The following ODAPH variants were observed in gnomAD, a reference collection of about 807,000 sequenced individuals.
ODAPH encodes odontogenesis associated phosphoprotein.
A neutral mutation model predicts 2.8 loss-of-function variants in ODAPH; 2 were observed. The observed-to-expected ratio is 0.72, with a 90% CI of 0.30 to 2.28. The LOEUF (loss-of-function observed/expected upper bound fraction) is 2.28, where lower values mean the gene tolerates loss of function less well. Among genes scored for constraint, ODAPH ranks in the 30% most tolerant of loss-of-function variants. The probability of loss-of-function intolerance (pLI) is 0.13; values close to 1 mark genes in which losing one functional copy is unlikely to be tolerated. For synonymous variants in ODAPH, 75 were observed against 60.3 expected (o/e 1.24, Z -1.13); for missense variants, 159 against 163.3 (o/e 0.97, Z 0.14).
downstream of ODAPH, chr4:75,565,751 A>C (rs1408787227): frequency 6.6e-5 from 10 of 152,244 alleles, no homozygotes; most frequent in Admixed American, 1.3e-4. Context: ...TGCTGCTGCT[A>C]CAAAAACAGA....
chr4:75,556,598 C>A (rs1164333430), intron 1 of ODAPH: 49 of 1,529,398 alleles, frequency 3.2e-5, no homozygotes, highest in Non-Finnish European at 4.1e-5. Flanking sequence ...GGTATTTAGT[C>A]TTTGTTCATT....
chr4:75,557,713 A>G (rs1279585698), intron 1 of ODAPH, among the ~76,000 whole-genome samples: 1 of 152,198 alleles, frequency 6.6e-6, no homozygotes, highest in Non-Finnish European at 1.5e-5. Flanking sequence ...AATCCCTCGA[A>G]GTCCTTCAAA....
At chr4:75,559,646 A>G (rs1213389085) in intron 1 of ODAPH, among the ~76,000 whole-genome samples, 6 of 152,218 alleles carry the variant, frequency 3.9e-5, no homozygotes, top group Non-Finnish European at 8.8e-5. Flanking sequence ...AAGAGCTCTC[A>G]TCTTTGACAT....
rs542417085 is a variant in ODAPH, at chr4:75,563,005, C to CTTT, written c.68-1074_68-1072dup. On this transcript the variant is annotated intron_variant, in intron 1 of 1. Transcript: ENST00000311623. ...TTTACATGCAATAAAATCCACACATCTTTTTTTTTTTTTTTTTTTTTTTTT... is the reference window on the plus strand; with the variant it reads ...TTTACATGCAATAAAATCCACACATCTTTTTTTTTTTTTTTTTTTTTTTTTTTT... Among the ~76,000 whole-genome samples, 122 of 59,598 alleles carry CTTT rather than the reference C, an allele frequency of 2.0e-3. 44 individuals are homozygous for CTTT. The highest frequency in any genetic ancestry group is 3.2e-3 in the Non-Finnish European group (104 of 32,228). The allele number at this position is 59,598 out of a possible 152,430, so 39.1% of individuals were successfully genotyped here. A position where few individuals can be genotyped will look rare whatever the true frequency, so the allele number is the denominator to read the frequency against.
At chr4:75,562,907 G>C (rs1431260296) in intron 1 of ODAPH, among the ~76,000 whole-genome samples, 1 of 147,098 alleles carries the variant, frequency 6.8e-6, no homozygotes, top group Non-Finnish European at 1.5e-5. Context: ...CAGAACTTTT[G>C]AACAGTTATT....
Position 75,561,018 on chromosome 4 carries a change from C to T in ODAPH, c.68-3096C>T, listed in dbSNP as rs112115229. ...GGATCACGAGGTCAGGAGATCGAGA[C>T]CAGCCTGGCTAACACGGTGAAACCT... On this transcript the variant is annotated intron_variant, in intron 1 of 1. Coordinates refer to ENST00000311623, the MANE Select transcript of ODAPH (RefSeq NM_178497.5). Among the ~76,000 whole-genome samples the T allele has an allele frequency of 6.6e-5, 10 of 152,098 alleles. 1 individual carries two copies. The highest frequency in any genetic ancestry group is 2.2e-4 in the African/African-American group (9 of 41,492).
intron 1 of ODAPH, among the ~76,000 whole-genome samples, 172 bp from the exon 2 acceptor site, chr4:75,563,942 G>A (rs1467652726): frequency 1.3e-5 from 2 of 152,102 alleles, no homozygotes; most frequent in East Asian, 1.9e-4. Flanking sequence ...GGCAATGCTG[G>A]GTCATCCAGT....
chr4:75,562,827 T>C lies in ODAPH; in HGVS notation c.68-1287T>C, dbSNP rs138591206. ...AATTGTATCCTGGTTCTCAGTGCTCTTTCTCCTGCTGCTTGTAGATGGTCC... is the reference window on the plus strand; with the variant it reads ...AATTGTATCCTGGTTCTCAGTGCTCCTTCTCCTGCTGCTTGTAGATGGTCC... On this transcript the variant is annotated intron_variant, in intron 1 of 1. Transcript: ENST00000311623. Among the ~76,000 whole-genome samples, 432 of 152,250 alleles carry C rather than the reference T, an allele frequency of 2.8e-3. 3 individuals are homozygous for C. Among genetic ancestry groups the C allele is most frequent in the African/African-American group, 9.8e-3 (407 of 41,536 alleles).
At chr4:75,556,913 C>T (rs1560558866) in intron 1 of ODAPH, among the ~76,000 whole-genome samples, 1 of 152,070 alleles carries the variant, frequency 6.6e-6, no homozygotes, top group Non-Finnish European at 1.5e-5. Flanking sequence ...GAAGATGGAC[C>T]TAGGAGTCAA....
In ODAPH at chr4:75,564,638, A is replaced by G. The variant is rs1727743636; in HGVS notation, c.*199A>G. On this transcript the variant is annotated 3_prime_UTR_variant, in exon 2 of 2. Transcript: ENST00000311623. ...ATCATAGGTTATTGATGGTTGCAAA[A>G]TTGGACAATAACCACGTTATTTTTA... 1.7e-6 allele frequency: 2 copies of G among 1,144,846 alleles called. No homozygotes were observed. The highest frequency in any genetic ancestry group is 3.1e-5 in the South Asian group (2 of 64,032). 70.9% of individuals were successfully genotyped at this position (1,144,846 alleles called of 1,614,324 possible). A position where few individuals can be genotyped will look rare whatever the true frequency, so the allele number is the denominator to read the frequency against.
chr4:75,557,907 A>C (rs1727405782), intron 1 of ODAPH, among the ~76,000 whole-genome samples: 1 of 152,220 alleles, frequency 6.6e-6, no homozygotes, highest in Admixed American at 6.5e-5. Context: ...GTTCCGCTTT[A>C]AGGCACAACA....
rs543104609 is a variant in ODAPH at position 75,564,382 on chromosome 4, T to C, written c.336T>C (p.Thr112=). The C allele has an allele frequency of 2.5e-6, 4 of 1,614,154 alleles. No individual in the cohort carries two copies. Among genetic ancestry groups the C allele is most frequent in the East Asian group, 2.2e-5 (1 of 44,878 alleles). Residue 112 remains threonine, a synonymous_variant, in exon 2 of 2, where the codon ACT becomes ACC. Transcript: ENST00000311623. The part of the protein sequence containing the change: ...QPFYWPHRYL[T]YRYFPRRRLQ... ...TTTATTGGCCACACCGTTACCTTACTTATAGGTATTTCCCCAGAAGAAGAC... is the reference window on the plus strand; with the variant it reads ...TTTATTGGCCACACCGTTACCTTACCTATAGGTATTTCCCCAGAAGAAGAC...
intron 1 of ODAPH, among the ~76,000 whole-genome samples, chr4:75,561,093 G>A (rs983182920): frequency 5.9e-5 from 9 of 151,752 alleles, no homozygotes; most frequent in South Asian, 4.2e-4. Flanking sequence ...GCGTGGTGGC[G>A]CGCGCCTGTA....
At chr4:75,561,041 C>A (rs1334667411) in intron 1 of ODAPH, among the ~76,000 whole-genome samples, 5 of 151,838 alleles carry the variant, frequency 3.3e-5, no homozygotes, top group African/African-American at 1.2e-4. Context: ...CACGGTGAAA[C>A]CTCGTCTCTA....
chr4:75,561,116 C>T (rs1213470206), intron 1 of ODAPH, among the ~76,000 whole-genome samples: 1 of 147,570 alleles, frequency 6.8e-6, no homozygotes, highest in Non-Finnish European at 1.5e-5. Flanking sequence ...CCCGGCTACT[C>T]GGGAGGCTGA....
At chr4:75,562,992 A>G (rs1421580642) in intron 1 of ODAPH, among the ~76,000 whole-genome samples, 1 of 145,708 alleles carries the variant, frequency 6.9e-6, no homozygotes, top group Non-Finnish European at 1.5e-5. Flanking sequence ...TACATGCAAT[A>G]AAATCCACAC....
intron 1 of ODAPH, 111 bp from the exon 2 acceptor site, chr4:75,564,003 T>G: frequency 4.8e-5 from 45 of 944,242 alleles, no homozygotes; most frequent in Non-Finnish European, 6.9e-5. Flanking sequence ...AAATATACAT[T>G]GAGATTTCTC....
At chr4:75,562,361 C>T (rs1471375539) in intron 1 of ODAPH, among the ~76,000 whole-genome samples, 1 of 142,592 alleles carries the variant, frequency 7.0e-6, no homozygotes, top group Non-Finnish European at 1.5e-5. Flanking sequence ...TTTTTTGAGA[C>T]GGAGTTTTGC....
intron 1 of ODAPH, among the ~76,000 whole-genome samples, chr4:75,559,544 T>C (rs1329007290): frequency 6.6e-6 from 1 of 152,236 alleles, no homozygotes. Flanking sequence ...CTCTAGAGCC[T>C]ATCCTTTTAA....
Sources: gnomAD v4.1 joint callset for allele counts (sites outside exome capture counted in the v4.1 genomes callset) on GRCh38, gnomAD v4.1.1 for gene constraint, MANE v1.5 for transcripts, NCBI Gene and HGNC (gene_info 2026-07-23, HGNC 2026-07-21) for gene names.